The following RMST variants were observed in gnomAD, a reference collection of about 807,000 sequenced individuals.
RMST encodes the protein rhabdomyosarcoma 2 associated transcript.
intron 10 of RMST, among the ~76,000 whole-genome samples, chr12:97,514,195 CT>C (rs1036868953): frequency 1.6e-4 from 25 of 152,140 alleles, no homozygotes; most frequent in African/African-American, 5.8e-4. Context: ...CATTCTTGCT[CT>C]GTAGTTAATT....
intron 5 of RMST, among the ~76,000 whole-genome samples, chr12:97,474,413 T>C (rs1024959020): frequency 2.6e-5 from 4 of 152,204 alleles, no homozygotes; most frequent in Non-Finnish European, 4.4e-5. Context: ...TATTTCATTT[T>C]GATAGCCATT....
chr12:97,490,957 A>G (rs1445596205), intron 5 of RMST, among the ~76,000 whole-genome samples: 1 of 152,084 alleles, frequency 6.6e-6, no homozygotes. Context: ...ACAATGAGCT[A>G]CTCCCATTTG....
intron 10 of RMST, among the ~76,000 whole-genome samples, chr12:97,512,189 G>A (rs991125487): frequency 2.0e-5 from 3 of 152,046 alleles, no homozygotes; most frequent in Non-Finnish European, 4.4e-5. Context: ...GAGTGTTACA[G>A]CTCTTAAGGT....
chr12:97,525,768 A>T (rs1881030101), intron 10 of RMST, among the ~76,000 whole-genome samples: 1 of 152,212 alleles, frequency 6.6e-6, no homozygotes, highest in Non-Finnish European at 1.5e-5. Flanking sequence ...ACCAGAGCAC[A>T]GGTCTGTAAC....
At chr12:97,487,932 A>G (rs182400844) in intron 5 of RMST, among the ~76,000 whole-genome samples, 2 of 152,204 alleles carry the variant, frequency 1.3e-5, no homozygotes, top group Non-Finnish European at 1.5e-5. Context: ...TGAAGAATTT[A>G]TTTCTTCTCT....
chr12:97,554,852 A>G (rs1883584853), intron 11 of RMST, among the ~76,000 whole-genome samples: 1 of 152,220 alleles, frequency 6.6e-6, no homozygotes. Flanking sequence ...AAGGCTTTCC[A>G]TAAGAAAATA....
intron 10 of RMST, among the ~76,000 whole-genome samples, chr12:97,518,202 C>T (rs1301294312): frequency 6.6e-6 from 1 of 151,770 alleles, no homozygotes; most frequent in Admixed American, 6.6e-5. Context: ...TTAAGTCATT[C>T]TTAAAAAATA....
chr12:97,524,103 A>AAAAAAAAAAAAAAAAAAAC (rs1880846588), intron 10 of RMST, among the ~76,000 whole-genome samples: 1 of 146,372 alleles, frequency 6.8e-6, no homozygotes, highest in African/African-American at 2.5e-5. Flanking sequence ...AAAAAAAAAA[A>AAAAAAAAAAAAAAAAAAAC]TCACATAACT....
chr12:97,498,137 G>A (rs1036863910), intron 10 of RMST, among the ~76,000 whole-genome samples: 3 of 152,058 alleles, frequency 2.0e-5, no homozygotes, highest in African/African-American at 4.8e-5. Flanking sequence ...TTTTTAATTG[G>A]AAGCTTTGTG....
intron 5 of RMST, among the ~76,000 whole-genome samples, chr12:97,479,858 T>C (rs1171262336): frequency 6.6e-6 from 1 of 152,114 alleles, no homozygotes; most frequent in East Asian, 1.9e-4. Flanking sequence ...GCTTGCCATG[T>C]CCAACAGGCA....
At chr12:97,498,713 G>A (rs547122509) in intron 10 of RMST, among the ~76,000 whole-genome samples, 2 of 152,300 alleles carry the variant, frequency 1.3e-5, no homozygotes, top group African/African-American at 4.8e-5. Flanking sequence ...CCTTCTGTCA[G>A]CATTACCAGC....
chr12:97,488,626 G>A (rs1422326078), intron 5 of RMST, among the ~76,000 whole-genome samples: 1 of 152,152 alleles, frequency 6.6e-6, no homozygotes, highest in Non-Finnish European at 1.5e-5. Context: ...AGGCAGTTCG[G>A]TGCATCCTGG....
At chr12:97,489,523 G>A (rs1434438192) in intron 5 of RMST, among the ~76,000 whole-genome samples, 1 of 152,036 alleles carries the variant, frequency 6.6e-6, no homozygotes, top group Non-Finnish European at 1.5e-5. Context: ...GACTTTTTAG[G>A]TGGTTCTGTC....
chr12:97,530,349 A>G (rs1243921471), intron 10 of RMST: 1 of 152,058 alleles, frequency 6.6e-6, no homozygotes, highest in East Asian at 1.9e-4. Context: ...TGAGATCTGA[A>G]TGTATTCTTG....
intron 5 of RMST, among the ~76,000 whole-genome samples, chr12:97,476,805 T>C (rs189277306): frequency 1.3e-5 from 2 of 152,200 alleles, no homozygotes; most frequent in Admixed American, 6.5e-5. Flanking sequence ...AAAAAAGAGA[T>C]ATAGATATAA....
intron 5 of RMST, among the ~76,000 whole-genome samples, chr12:97,469,176 GTGTGTA>G (rs370365978): frequency 0.04 from 5,522 of 138,296 alleles, 118 homozygotes; most frequent in Non-Finnish European, 0.058. Flanking sequence ...GTGTGTGTGT[GTGTGTA>G]TGTGTGTATA....
Position 97,529,985 on chromosome 12 carries a change from C to T in RMST, n.1341-670C>T, listed in dbSNP as rs187021042. 1.7e-3 allele frequency among the ~76,000 whole-genome samples: 255 copies of T among 152,072 alleles called. 2 individuals carry two copies. The highest frequency in any genetic ancestry group is 6.8e-3 in the Middle Eastern group (2 of 294). ...ATAAAAATATGATTTGAACTTTTAG[C>T]AAAGATAAGTTTCAGGAATTGGAAT... On this transcript the variant is annotated intron_variant and non_coding_transcript_variant, in intron 10 of 13. Coordinates refer to ENST00000640149, the Ensembl canonical transcript of RMST.
intron 5 of RMST, among the ~76,000 whole-genome samples, chr12:97,479,988 A>G (rs1442593242): frequency 6.6e-6 from 1 of 151,686 alleles, no homozygotes; most frequent in Non-Finnish European, 1.5e-5. Context: ...TAAACTAGAA[A>G]CCCAAGAATC....
At chr12:97,532,143 A>C (rs555332961) in intron 11 of RMST, among the ~76,000 whole-genome samples, 2 of 152,050 alleles carry the variant, frequency 1.3e-5, no homozygotes, top group African/African-American at 4.8e-5. Context: ...AGTAAGAAAA[A>C]CTGAAAGTGG....
Sources: allele counts gnomAD v4.1 joint callset (sites outside exome capture counted in the v4.1 genomes callset), GRCh38; gene constraint gnomAD v4.1.1; transcripts MANE v1.5; gene names NCBI Gene and HGNC (gene_info 2026-07-23, HGNC 2026-07-21).